SLC3A1: variants seen among roughly 807,000 people sequenced by gnomAD.
The protein encoded by SLC3A1 is amino acid transporter heavy chain SLC3A1.
Under a neutral mutation model 60.3 loss-of-function variants are expected in SLC3A1, and 78 were observed. That is an observed-to-expected ratio of 1.29 (90% CI 1.08 to 1.56). The LOEUF is 1.56. SLC3A1 is among the 40% of genes most tolerant of loss of function. The pLI is 0.00. For synonymous variants in SLC3A1, 392 were observed against 307.9 expected (o/e 1.27, Z -2.86); for missense variants, 1,172 against 858.9 (o/e 1.36, Z -4.56).
rs1672877404 is a variant in SLC3A1, at chr2:44,320,798, GA to G, written c.*166del. 3.0e-6 allele frequency: 2 copies of G among 672,828 alleles called. No homozygotes were observed. The highest frequency in any genetic ancestry group is 5.1e-6 in the Non-Finnish European group (2 of 390,596). The allele number at this position is 672,828 out of a possible 1,614,324, so 41.7% of individuals were successfully genotyped here. A position where few individuals can be genotyped will look rare whatever the true frequency, so the allele number is the denominator to read the frequency against. ...TTTAAGAAAGGTTCTCAAATGTTTTGAAAAAAATAAAATGTTTAAAAGTAAA... is the reference window on the plus strand; with the variant it reads ...TTTAAGAAAGGTTCTCAAATGTTTTGAAAAAATAAAATGTTTAAAAGTAAA... On this transcript the variant is annotated 3_prime_UTR_variant, in exon 10 of 10. Coordinates refer to ENST00000260649, the MANE Select transcript of SLC3A1 (RefSeq NM_000341.4).
chr2:44,316,851 C>T (rs558677235), intron 9 of SLC3A1, among the ~76,000 whole-genome samples: 44 of 152,276 alleles, frequency 2.9e-4, no homozygotes, highest in Non-Finnish European at 3.8e-4. Context: ...TGGCCACTTT[C>T]TGAAAGAATA....
chr2:44,304,440 C>A, intron 7 of SLC3A1, 102 bp downstream of exon 7: 1 of 902,388 alleles, frequency 1.1e-6, no homozygotes, highest in Non-Finnish European at 1.8e-6. Context: ...TGACCATCAC[C>A]TCTGCCTTAT....
rs1031570406 is a variant in SLC3A1, at chr2:44,303,775, C to T, written c.1137-368C>T. Reference sequence around the variant, plus strand: ...GCCCCGGTGTGTGATGTTCCCTGCCCTGTGTCCATGTGTTCTCGTTATTCA... The same window carrying T: ...GCCCCGGTGTGTGATGTTCCCTGCCTTGTGTCCATGTGTTCTCGTTATTCA... On this transcript the variant is annotated intron_variant, in intron 6 of 9. Coordinates refer to ENST00000260649, the MANE Select transcript of SLC3A1 (RefSeq NM_000341.4). The T allele has an allele frequency of 2.5e-5, 10 of 395,868 alleles. No homozygotes were observed. In the Admixed American group the frequency reaches 2.6e-4, roughly 10 times the overall value. The allele number at this position is 395,868 out of a possible 1,614,324, so 24.5% of individuals were successfully genotyped here. A position where few individuals can be genotyped will look rare whatever the true frequency, so the allele number is the denominator to read the frequency against.
chr2:44,321,059 C>A lies in SLC3A1; in HGVS notation c.*420C>A, dbSNP rs1672897506. 2 of 413,752 alleles carry A rather than the reference C, an allele frequency of 4.8e-6. No homozygotes were observed. The highest frequency in any genetic ancestry group is 5.7e-5 in the South Asian group (2 of 35,226). The allele number at this position is 413,752 out of a possible 1,614,324, so 25.6% of individuals were successfully genotyped here. A position where few individuals can be genotyped will look rare whatever the true frequency, so the allele number is the denominator to read the frequency against. ...TTTGTAAACTGCTCAACTGTTCTGACTGGAAGGGAGGCCTGGAGCTCTGCT... is the reference window on the plus strand; with the variant it reads ...TTTGTAAACTGCTCAACTGTTCTGAATGGAAGGGAGGCCTGGAGCTCTGCT... On this transcript the variant is annotated 3_prime_UTR_variant, in exon 10 of 10. Transcript: ENST00000260649.
At chr2:44,284,425 A>T (rs185453879) in intron 3 of SLC3A1, among the ~76,000 whole-genome samples, 117 of 152,284 alleles carry the variant, frequency 7.7e-4, no homozygotes, top group African/African-American at 2.7e-3. Context: ...GCTGTGCAGG[A>T]TATCGCATGC....
rs1671923949 is a variant in SLC3A1, at chr2:44,298,825, C to T, written c.892-1146C>T. Among the ~76,000 whole-genome samples, 3 of 152,114 alleles carry T rather than the reference C, an allele frequency of 2.0e-5. No homozygotes were observed. The South Asian group carries it at 6.2e-4, about 31-fold the overall frequency. On this transcript the variant is annotated intron_variant, in intron 4 of 9. Transcript: ENST00000260649. ...CAGGCAATGACTACCTTCTCTCTAG[C>T]AAGGTGTGTTGGAAGAGTAGGGCAG...
chr2:44,311,958 G>A (rs575285620), intron 7 of SLC3A1, among the ~76,000 whole-genome samples: 34 of 152,280 alleles, frequency 2.2e-4, no homozygotes, highest in African/African-American at 6.0e-4. Context: ...CATGCTCAGC[G>A]TATGCACATG....
chr2:44,285,700 A>T (rs1417640754), intron 3 of SLC3A1: 1 of 514,744 alleles, frequency 1.9e-6, no homozygotes, highest in Non-Finnish European at 3.9e-6. Context: ...CACAAACAAG[A>T]GTTTGGATCC....
At chr2:44,285,220 C>G (rs902776076) in intron 3 of SLC3A1, 2 of 156,200 alleles carry the variant, frequency 1.3e-5, no homozygotes, top group Non-Finnish European at 2.8e-5. Context: ...GCAGCTACTA[C>G]TCAGCATCTG....
intron 3 of SLC3A1, chr2:44,284,971 T>C (rs1247365992): frequency 1.3e-5 from 2 of 152,228 alleles, no homozygotes; most frequent in African/African-American, 4.8e-5. Flanking sequence ...CCTAATGATG[T>C]TGAACATCTT....
chr2:44,297,181 A>G (rs1293168603), intron 4 of SLC3A1, among the ~76,000 whole-genome samples: 1 of 152,160 alleles, frequency 6.6e-6, no homozygotes, highest in Non-Finnish European at 1.5e-5. Context: ...CTAAAATGAT[A>G]TATACATTCC....
intron 1 of SLC3A1, among the ~76,000 whole-genome samples, chr2:44,277,056 A>G (rs1671359630): frequency 6.6e-6 from 1 of 150,442 alleles, no homozygotes; most frequent in Admixed American, 6.6e-5. Flanking sequence ...TTCTTTAATC[A>G]CTAGTAGAAG....
At chr2:44,318,436 T>C (rs913248052) in intron 9 of SLC3A1, 11 of 181,370 alleles carry the variant, frequency 6.1e-5, no homozygotes, top group Non-Finnish European at 1.3e-4. Flanking sequence ...GATTTAAATA[T>C]TTTATCAACA....
At chr2:44,293,699 C>T (rs1671786797) in intron 4 of SLC3A1, among the ~76,000 whole-genome samples, 2 of 152,034 alleles carry the variant, frequency 1.3e-5, no homozygotes, top group South Asian at 4.2e-4. Context: ...GCGAATTGCT[C>T]ACATGTGAAT....
chr2:44,280,119 T>A (rs1322937003), intron 1 of SLC3A1, among the ~76,000 whole-genome samples: 2 of 152,136 alleles, frequency 1.3e-5, no homozygotes, highest in Admixed American at 6.5e-5. Context: ...AAACCATGTG[T>A]AGAATAAATG....
chr2:44,292,020 C>T (rs910239124), intron 4 of SLC3A1, among the ~76,000 whole-genome samples: 12 of 152,156 alleles, frequency 7.9e-5, no homozygotes, highest in African/African-American at 2.7e-4. Context: ...TTTATACTTT[C>T]CCAATCACTT....
At chr2:44,299,574 C>CT (rs1671951449) in intron 4 of SLC3A1, among the ~76,000 whole-genome samples, 1 of 152,096 alleles carries the variant, frequency 6.6e-6, no homozygotes, top group Non-Finnish European at 1.5e-5. Flanking sequence ...GTGTTATTTT[C>CT]TTTGAGTTTG....
intron 6 of SLC3A1, among the ~76,000 whole-genome samples, chr2:44,303,197 G>T (rs1321895178): frequency 6.6e-6 from 1 of 150,622 alleles, no homozygotes; most frequent in Non-Finnish European, 1.5e-5. Context: ...GTAAAACTCT[G>T]TCTCAAGAAA....
intron 3 of SLC3A1, among the ~76,000 whole-genome samples, chr2:44,282,852 C>G (rs1479596238): frequency 1.3e-5 from 2 of 151,914 alleles, no homozygotes; most frequent in African/African-American, 4.8e-5. Context: ...AAGACAGGGC[C>G]TCACTCTGTT....
Sources: allele counts gnomAD v4.1 joint callset (sites outside exome capture counted in the v4.1 genomes callset), GRCh38; gene constraint gnomAD v4.1.1; transcripts MANE v1.5; gene names NCBI Gene and HGNC (gene_info 2026-07-23, HGNC 2026-07-21).